Variants in GCNT2 observed in about 807,000 individuals in gnomAD.
GCNT2 encodes the protein glucosaminyl (N-acetyl) transferase 2 (I blood group).
In GCNT2, 34 loss-of-function variants were observed where a neutral mutation model predicts 34.2. That is an observed-to-expected ratio of 1.00 (90% CI 0.76 to 1.32). The LOEUF is 1.32. Among genes scored for constraint, GCNT2 ranks in the 40% most tolerant of loss-of-function variants. GCNT2 has a pLI of 0.00. For synonymous variants in GCNT2, 212 were observed against 188.0 expected (o/e 1.13, Z -1.04); for missense variants, 584 against 489.4 (o/e 1.19, Z -1.82).
rs576372819 is a variant in GCNT2 at position 10,608,073 on chromosome 6, C to CTTTT, written c.926-13260_926-13257dup. Among the ~76,000 whole-genome samples, 5 of 124,748 alleles carry CTTTT rather than the reference C, an allele frequency of 4.0e-5. 1 individual carries two copies. Among genetic ancestry groups the CTTTT allele is most frequent in the Non-Finnish European group, 5.0e-5 (3 of 60,016 alleles). The allele number at this position is 124,748 out of a possible 152,430, so 81.8% of individuals were successfully genotyped here. ...GAAATGCTGAGTCAAATGGTATGCA[C>CTTTT]TTTTTTTTTTTTTTTTTTTTTGAGA... On this transcript the variant is annotated intron_variant, in intron 3 of 4. Coordinates refer to ENST00000495262, the MANE Select transcript of GCNT2 (RefSeq NM_145649.5).
At chr6:10,626,307 C>T (rs766886386) in intron 4 of GCNT2, 110 bp from the exon 5 acceptor site, 1 of 802,540 alleles carries the variant, frequency 1.2e-6, no homozygotes, top group African/African-American at 1.7e-5. Context: ...GAATCCTGTA[C>T]CATTGGCACA....
At chr6:10,545,503 C>T (rs747752838) in intron 3 of GCNT2, among the ~76,000 whole-genome samples, 1 of 152,178 alleles carries the variant, frequency 6.6e-6, no homozygotes, top group Non-Finnish European at 1.5e-5. Flanking sequence ...TCGAAGGATT[C>T]ATAACTGTGT....
intron 3 of GCNT2, among the ~76,000 whole-genome samples, chr6:10,610,144 T>A (rs1765486434): frequency 6.6e-6 from 1 of 152,190 alleles, no homozygotes; most frequent in Non-Finnish European, 1.5e-5. Context: ...GCAAAAGGTA[T>A]GTGTTTGAGC....
chr6:10,614,625 C>CAAAAAAA (rs34015959), intron 3 of GCNT2, among the ~76,000 whole-genome samples: 2 of 105,992 alleles, frequency 1.9e-5, no homozygotes, highest in African/African-American at 9.3e-5. Context: ...GACTCTGTCT[C>CAAAAAAA]AAAAAAAAAA....
In GCNT2 at chr6:10,529,551, A is replaced by C. The variant is rs771800934; in HGVS notation, c.640A>C (p.Asn214His). 1.4e-5 allele frequency: 23 copies of C among 1,614,056 alleles called. No individual in the cohort carries two copies. The African/African-American group carries it at 2.8e-4, about 20-fold the overall frequency. Residue 214 changes from asparagine to histidine, a missense_variant, in exon 3 of 5, where the codon AAT becomes CAT. Transcript: ENST00000495262. ...VQYLKGFKGK[N>H]ITPGVLPPDH... ...GTATCTGAAGGGATTTAAAGGGAAA[A>C]ATATCACCCCCGGAGTGCTGCCTCC...
At chr6:10,549,221 A>G (rs1304038683) in intron 3 of GCNT2, among the ~76,000 whole-genome samples, 7 of 152,220 alleles carry the variant, frequency 4.6e-5, no homozygotes, top group Non-Finnish European at 1.0e-4. Context: ...CCAAAATGCC[A>G]ATAGTGCCCA....
At chr6:10,592,890 G>A (rs911901196) in intron 3 of GCNT2, among the ~76,000 whole-genome samples, 3 of 151,928 alleles carry the variant, frequency 2.0e-5, no homozygotes, top group Admixed American at 2.0e-4. Flanking sequence ...ACAGGTGTGT[G>A]CCACCATGCC....
intron 3 of GCNT2, among the ~76,000 whole-genome samples, chr6:10,532,629 G>C (rs1761549206): frequency 6.6e-6 from 1 of 152,204 alleles, no homozygotes; most frequent in East Asian, 1.9e-4. Flanking sequence ...GTGCCCCCAT[G>C]CCTGGCTAAC....
At chr6:10,531,249 C>T (rs1761473809) in intron 3 of GCNT2, among the ~76,000 whole-genome samples, 1 of 152,096 alleles carries the variant, frequency 6.6e-6, no homozygotes, top group South Asian at 2.1e-4. Flanking sequence ...TCCTTTGGTC[C>T]AAGTTCCAAA....
intron 3 of GCNT2, among the ~76,000 whole-genome samples, chr6:10,537,999 C>T (rs751384002): frequency 6.6e-6 from 1 of 152,048 alleles, no homozygotes; most frequent in South Asian, 2.1e-4. Flanking sequence ...CTGCTAGCAT[C>T]ATGAGAGAGT....
At chr6:10,545,110 T>G (rs1251913840) in intron 3 of GCNT2, among the ~76,000 whole-genome samples, 2 of 152,156 alleles carry the variant, frequency 1.3e-5, no homozygotes, top group Non-Finnish European at 2.9e-5. Context: ...AAGAATCAAG[T>G]GGGTACAGCC....
At chr6:10,546,101 T>TAC (rs1762251838) in intron 3 of GCNT2, among the ~76,000 whole-genome samples, 1 of 152,218 alleles carries the variant, frequency 6.6e-6, no homozygotes, top group African/African-American at 2.4e-5. Flanking sequence ...TTCCCTGCCA[T>TAC]GTCTGTGCAT....
chr6:10,617,873 G>A (rs978524198), intron 3 of GCNT2, among the ~76,000 whole-genome samples: 5 of 150,080 alleles, frequency 3.3e-5, no homozygotes, highest in Non-Finnish European at 7.4e-5. Context: ...TTCTGCCTCA[G>A]CCTACTGTGT....
At chr6:10,600,666 G>A (rs1406953678) in intron 3 of GCNT2, among the ~76,000 whole-genome samples, 3 of 152,238 alleles carry the variant, frequency 2.0e-5, no homozygotes, top group African/African-American at 4.8e-5. Context: ...CTGAGAAAGC[G>A]CTGCTGCTTC....
intron 1 of GCNT2, among the ~76,000 whole-genome samples, chr6:10,521,817 A>C (rs536524914): frequency 6.6e-6 from 1 of 152,104 alleles, no homozygotes; most frequent in South Asian, 2.1e-4. Context: ...CTTCAGACTT[A>C]ATGGTTTATG....
At chr6:10,557,165 T>C (rs1762755563) in intron 3 of GCNT2, 2 of 1,549,060 alleles carry the variant, frequency 1.3e-6, no homozygotes, top group Non-Finnish European at 1.7e-6. Context: ...AACAACAGCG[T>C]TGAAACCGCC....
intron 3 of GCNT2, among the ~76,000 whole-genome samples, chr6:10,592,167 T>G (rs1174929949): frequency 6.6e-6 from 1 of 152,260 alleles, no homozygotes; most frequent in East Asian, 1.9e-4. Flanking sequence ...CACTGACATT[T>G]GTCTTGTCAA....
Position 10,529,022 on chromosome 6 carries a change from A to G in GCNT2, c.111A>G (p.Ala37=), listed in dbSNP as rs1464999050. 1.9e-6 allele frequency: 3 copies of G among 1,613,982 alleles called. No homozygotes were observed. The African/African-American group carries it at 4.0e-5, about 22-fold the overall frequency. ...GGGAGAATAAACGTTTTCTGAGGGC[A>G]GCTCTGTCCAATGCTTCACTGTTAG... ...ELWENKRFLR[A]ALSNASLLAE... The change falls in exon 3 of 5, where the codon GCA becomes GCG. Residue 37 remains alanine, a synonymous_variant. Transcript: ENST00000495262.
At chr6:10,538,437 A>AATATAT (rs1554127248) in intron 3 of GCNT2, among the ~76,000 whole-genome samples, 872 of 73,242 alleles carry the variant, frequency 0.012, 35 homozygotes, top group African/African-American at 0.063. Context: ...AAAAAAAAAA[A>AATATAT]ATATATATAT....
Sources: allele counts gnomAD v4.1 joint callset (sites outside exome capture counted in the v4.1 genomes callset), GRCh38; gene constraint gnomAD v4.1.1; transcripts MANE v1.5; gene names NCBI Gene and HGNC (gene_info 2026-07-23, HGNC 2026-07-21).